Variants in RGS6 observed in about 807,000 individuals in gnomAD.
RGS6 encodes regulator of G-protein signaling 6.
In RGS6, 30 loss-of-function variants were observed where a neutral mutation model predicts 78.5. That is an observed-to-expected ratio of 0.38 (90% CI 0.29 to 0.52). The LOEUF (loss-of-function observed/expected upper bound fraction) is 0.52. Ranked by LOEUF, RGS6 falls within the 20% of genes least tolerant of loss-of-function variation. The probability of loss-of-function intolerance (pLI) is 0.85; values close to 1 mark genes in which losing one functional copy is unlikely to be tolerated. For synonymous variants in RGS6, 206 were observed against 206.0 expected (o/e 1.00, Z 0.00); for missense variants, 495 against 609.7 (o/e 0.81, Z 1.98).
At chr14:71,894,594 C>T in the RGS6 span, among the ~76,000 whole-genome samples, 2 of 152,116 alleles carry the variant, frequency 1.3e-5, no homozygotes, top group Admixed American at 6.5e-5. Flanking sequence ...TTCTTTCTTG[C>T]GTGAGAACCA....
intron 2 of RGS6, among the ~76,000 whole-genome samples, chr14:72,335,331 A>ATCCCTGTT (rs1234817701): frequency 2.0e-5 from 3 of 152,020 alleles, no homozygotes; most frequent in Admixed American, 1.3e-4. Flanking sequence ...GACTGCCCCC[A>ATCCCTGTT]TCCCTGTTTG....
chr14:72,427,407 C>G (rs11626915), intron 3 of RGS6, among the ~76,000 whole-genome samples: 45,012 of 151,998 alleles, frequency 0.3, 7,709 homozygotes, highest in East Asian at 0.64. Flanking sequence ...TGGAACATAT[C>G]CCTTGTGGAT....
chr14:72,436,871 A>G (rs1195998178), intron 3 of RGS6, among the ~76,000 whole-genome samples: 1 of 152,202 alleles, frequency 6.6e-6, no homozygotes, highest in African/African-American at 2.4e-5. Context: ...TGTTTATTGG[A>G]AATCTATGGT....
Position 72,558,006 on chromosome 14 carries a change from G to GAGAT in RGS6, c.1423-4409_1423-4406dup, listed in dbSNP as rs1003634823. Among the ~76,000 whole-genome samples, 9 of 151,400 alleles carry GAGAT rather than the reference G, an allele frequency of 5.9e-5. No individual in the cohort carries two copies. The East Asian group carries it at 1.2e-3, about 20-fold the overall frequency. On this transcript the variant is annotated intron_variant, in intron 17 of 17. Transcript: ENST00000553525. ...TTTGTCCTAATTTTTTTTTTCTTTT[G>GAGAT]AGATATAATTATGCACGGTAAAATG...
rs2096234570 is a variant in RGS6 at position 72,127,769 on chromosome 14, G to T, written c.84+162894G>T. On this transcript the variant is annotated intron_variant, in intron 2 of 17. Transcript: ENST00000553525. Reference sequence around the variant, plus strand: ...CAGAATATTGACATTTTATAGTTAAGATACAGGACAGTTCCATTAACACAA... The same window carrying T: ...CAGAATATTGACATTTTATAGTTAATATACAGGACAGTTCCATTAACACAA... Among the ~76,000 whole-genome samples the T allele has an allele frequency of 2.0e-5, 3 of 152,220 alleles. No individual in the cohort carries two copies. In the East Asian group the frequency reaches 5.8e-4, roughly 29 times the overall value.
At chr14:72,041,377 T>A in intron 2 of RGS6, among the ~76,000 whole-genome samples, 1 of 152,280 alleles carries the variant, frequency 6.6e-6, no homozygotes, top group Middle Eastern at 3.4e-3. Context: ...TTCTCTTGCT[T>A]TCTCTGTGAC....
In RGS6 at chr14:72,162,988, A is replaced by G. The variant is rs188229789; in HGVS notation, c.85-189107A>G. Among the ~76,000 whole-genome samples the G allele has an allele frequency of 5.3e-5, 8 of 152,316 alleles. No homozygotes were observed. In the East Asian group the frequency reaches 1.4e-3, roughly 26 times the overall value. ...TCATATGTTCTCACTCATAAGTGGGAGCTAAGCTATGAGGATGCAAAGGCA... is the reference window on the plus strand; with the variant it reads ...TCATATGTTCTCACTCATAAGTGGGGGCTAAGCTATGAGGATGCAAAGGCA... On this transcript the variant is annotated intron_variant, in intron 2 of 17. Transcript: ENST00000553525.
At chr14:72,380,469 A>T (rs1596473054) in intron 3 of RGS6, among the ~76,000 whole-genome samples, 1 of 30,238 alleles carries the variant, frequency 3.3e-5, no homozygotes, top group Admixed American at 3.1e-4. Context: ...TCTTGACAGC[A>T]AAAAAAAAAA....
intron 2 of RGS6, among the ~76,000 whole-genome samples, chr14:72,276,297 C>T (rs568503501): frequency 2.0e-5 from 3 of 152,304 alleles, no homozygotes; most frequent in Non-Finnish European, 2.9e-5. Flanking sequence ...AGAGGGTCTA[C>T]AGCATGTATT....
At chr14:72,287,822 T>G (rs1595351719) in intron 2 of RGS6, among the ~76,000 whole-genome samples, 2 of 152,370 alleles carry the variant, frequency 1.3e-5, no homozygotes, top group African/African-American at 4.8e-5. Flanking sequence ...TCTTGGAAGG[T>G]CAGATGCTTT....
intron 2 of RGS6, among the ~76,000 whole-genome samples, chr14:72,238,284 G>A (rs990222028): frequency 2.0e-5 from 3 of 152,192 alleles, no homozygotes; most frequent in African/African-American, 7.2e-5. Context: ...GAGGGGGAGC[G>A]GGTAGGCCAA....
chr14:72,269,567 ATTTTTTTTTTT>A (rs56171281), intron 2 of RGS6, among the ~76,000 whole-genome samples: 5 of 120,336 alleles, frequency 4.2e-5, no homozygotes, highest in African/African-American at 6.6e-5. Context: ...CCTATCTTAA[ATTTTTTTTTTT>A]TTTTTTTTTT....
the RGS6 span, among the ~76,000 whole-genome samples, chr14:71,886,186 G>C: frequency 6.6e-6 from 1 of 152,196 alleles, no homozygotes; most frequent in African/African-American, 2.4e-5. Context: ...TATGATGACA[G>C]TGAATTCAGC....
intron 3 of RGS6, among the ~76,000 whole-genome samples, chr14:72,388,466 A>AT (rs1388276662): frequency 6.6e-6 from 1 of 152,128 alleles, no homozygotes. Context: ...AAGAGTTAAC[A>AT]TTTTATTCTT....
At position 72,462,673 on chromosome 14, in the gene RGS6, G is replaced by A. The variant is rs559949386; in HGVS notation, c.394+2990G>A. On this transcript the variant is annotated intron_variant, in intron 6 of 17. Coordinates refer to ENST00000553525, the MANE Select transcript of RGS6 (RefSeq NM_001204424.2). ...TCAGTACATTTTTGAATGAGTGACT[G>A]AATGAATAAATGGATCGGTGAATGT... Among the ~76,000 whole-genome samples the A allele has an allele frequency of 6.6e-5, 10 of 152,310 alleles. No homozygotes were observed. In the East Asian group the frequency reaches 1.5e-3, roughly 23 times the overall value.
chr14:72,495,797 ACT>A, intron 13 of RGS6, among the ~76,000 whole-genome samples: 1 of 152,050 alleles, frequency 6.6e-6, no homozygotes, highest in Non-Finnish European at 1.5e-5. Flanking sequence ...TGATTTCATC[ACT>A]CTGTTCTTCT....
At chr14:72,295,208 G>A (rs1014675302) in intron 2 of RGS6, among the ~76,000 whole-genome samples, 7 of 150,198 alleles carry the variant, frequency 4.7e-5, no homozygotes, top group Non-Finnish European at 7.4e-5. Context: ...GGAGAATGGC[G>A]TGAACCCGGG....
intron 2 of RGS6, among the ~76,000 whole-genome samples, chr14:72,295,596 G>T (rs1019824059): frequency 6.6e-6 from 1 of 152,104 alleles, no homozygotes; most frequent in Non-Finnish European, 1.5e-5. Context: ...GGTTTTGTTG[G>T]TATAAAACAC....
At chr14:72,412,669 A>G (rs1466142965) in intron 3 of RGS6, among the ~76,000 whole-genome samples, 1 of 152,042 alleles carries the variant, frequency 6.6e-6, no homozygotes, top group Non-Finnish European at 1.5e-5. Context: ...TAGGGTGTCA[A>G]TTTTAGACCT....
Sources: allele counts gnomAD v4.1 joint callset (sites outside exome capture counted in the v4.1 genomes callset), GRCh38; gene constraint gnomAD v4.1.1; transcripts MANE v1.5; gene names NCBI Gene and HGNC (gene_info 2026-07-23, HGNC 2026-07-21).